NDUFS4: variants seen among roughly 807,000 people sequenced by gnomAD.
The protein encoded by NDUFS4 is NADH:ubiquinone oxidoreductase subunit S4.
A neutral mutation model predicts 24.3 loss-of-function variants in NDUFS4; 28 were observed. The observed-to-expected ratio is 1.15, with a 90% CI of 0.85 to 1.58. The LOEUF (loss-of-function observed/expected upper bound fraction) is 1.58. Among genes scored for constraint, NDUFS4 ranks in the 40% most tolerant of loss-of-function variants. The probability of loss-of-function intolerance (pLI) is 0.00; values close to 1 mark genes in which losing one functional copy is unlikely to be tolerated. For missense variants in NDUFS4, 223 were observed against 207.9 expected, an observed-to-expected ratio of 1.07 and a Z score of -0.45; for synonymous variants, 93 against 69.7, an observed-to-expected ratio of 1.34 and a Z score of -1.67.
chr5:53,627,303 G>A (rs972109589), intron 2 of NDUFS4, among the ~76,000 whole-genome samples: 1 of 152,170 alleles, frequency 6.6e-6, no homozygotes, highest in African/African-American at 2.4e-5. Flanking sequence ...ATAGTTAAAA[G>A]TCAGGTAGCA....
intron 2 of NDUFS4, among the ~76,000 whole-genome samples, chr5:53,625,686 G>T (rs1208892461): frequency 6.6e-6 from 1 of 151,930 alleles, no homozygotes; most frequent in Non-Finnish European, 1.5e-5. Flanking sequence ...TTCAGCTCTA[G>T]AATTTCTATT....
chr5:53,593,045 G>A (rs1175913963), intron 1 of NDUFS4, among the ~76,000 whole-genome samples: 1 of 151,998 alleles, frequency 6.6e-6, no homozygotes, highest in Non-Finnish European at 1.5e-5. Flanking sequence ...TGATGTTTGG[G>A]TAATGCTGGT....
chr5:53,603,928 A>AT (rs1750413983), intron 2 of NDUFS4, among the ~76,000 whole-genome samples: 1 of 152,170 alleles, frequency 6.6e-6, no homozygotes, highest in Admixed American at 6.5e-5. Flanking sequence ...AACATTTATT[A>AT]TCACTATATG....
chr5:53,603,965 TAC>T (rs1403486193), intron 2 of NDUFS4, among the ~76,000 whole-genome samples: 1 of 152,104 alleles, frequency 6.6e-6, no homozygotes, highest in Non-Finnish European at 1.5e-5. Context: ...TACAAACACA[TAC>T]ACACACATTT....
At chr5:53,586,783 A>G (rs1749771921) in intron 1 of NDUFS4, among the ~76,000 whole-genome samples, 1 of 151,646 alleles carries the variant, frequency 6.6e-6, no homozygotes, top group African/African-American at 2.4e-5. Flanking sequence ...TTGGCCTCCT[A>G]AAGTGCTGGA....
intron 2 of NDUFS4, 42 bp downstream of exon 2, chr5:53,603,572 G>C: frequency 6.6e-7 from 1 of 1,512,830 alleles, no homozygotes; most frequent in South Asian, 1.1e-5. Flanking sequence ...TCTGCCTTCA[G>C]GGTTATTTTT....
chr5:53,596,196 C>T (rs970817532), intron 1 of NDUFS4, among the ~76,000 whole-genome samples: 5 of 151,702 alleles, frequency 3.3e-5, no homozygotes, highest in Non-Finnish European at 7.4e-5. Flanking sequence ...TTTGGGAGGC[C>T]GAGGCAGGAG....
At chr5:53,681,673 C>G (rs892395766) in intron 4 of NDUFS4, among the ~76,000 whole-genome samples, 8 of 152,070 alleles carry the variant, frequency 5.3e-5, no homozygotes, top group African/African-American at 1.9e-4. Context: ...TATTTTCTCT[C>G]CTGGATTCTG....
chr5:53,649,552 C>T (rs1427824307), intron 3 of NDUFS4, among the ~76,000 whole-genome samples: 1 of 152,180 alleles, frequency 6.6e-6, no homozygotes, highest in East Asian at 1.9e-4. Flanking sequence ...TTTTTTATTG[C>T]TGCGTAGTAT....
At chr5:53,574,474 T>C (rs1311344086) in intron 1 of NDUFS4, among the ~76,000 whole-genome samples, 10 of 152,214 alleles carry the variant, frequency 6.6e-5, no homozygotes, top group Non-Finnish European at 1.5e-4. Context: ...TAATACTTTG[T>C]TGAAGATTTT....
chr5:53,579,442 A>T (rs974984150), intron 1 of NDUFS4, among the ~76,000 whole-genome samples: 1 of 152,292 alleles, frequency 6.6e-6, no homozygotes, highest in Admixed American at 6.5e-5. Flanking sequence ...ACAGCCACCC[A>T]CCAAATATGT....
At chr5:53,624,013 G>C (rs191224250) in intron 2 of NDUFS4, among the ~76,000 whole-genome samples, 1 of 152,060 alleles carries the variant, frequency 6.6e-6, no homozygotes, top group Non-Finnish European at 1.5e-5. Flanking sequence ...CACCACGCCC[G>C]GCCCTTTGAT....
chr5:53,683,179 A>C lies in NDUFS4; in HGVS notation c.486A>C (p.Ala162=). Residue 162 remains alanine, a synonymous_variant, in exon 5 of 5, where the codon GCA becomes GCC. Coordinates refer to ENST00000296684, the MANE Select transcript of NDUFS4 (RefSeq NM_002495.4). ...AACCCAAGTCCAAGTCTTATGGTGCAAACTTTTCTTGGAACAAAAGAACAA... is the reference window on the plus strand; with the variant it reads ...AACCCAAGTCCAAGTCTTATGGTGCCAACTTTTCTTGGAACAAAAGAACAA... The part of the protein sequence containing the change: ...VPKPKSKSYG[A]NFSWNKRTRV... 6.2e-7 allele frequency: 1 copy of C among 1,612,544 alleles called. No homozygotes were observed. Among genetic ancestry groups the C allele is most frequent in the Non-Finnish European group, 8.5e-7 (1 of 1,178,870 alleles).
chr5:53,677,536 G>T (rs1412440096), intron 4 of NDUFS4, among the ~76,000 whole-genome samples: 4 of 151,804 alleles, frequency 2.6e-5, no homozygotes, highest in Non-Finnish European at 5.9e-5. Flanking sequence ...CCCATATTAT[G>T]TACCTAATTG....
At chr5:53,602,991 T>G (rs1206717592) in intron 1 of NDUFS4, among the ~76,000 whole-genome samples, 1 of 152,218 alleles carries the variant, frequency 6.6e-6, no homozygotes, top group Non-Finnish European at 1.5e-5. Context: ...TACAAATCAT[T>G]CCTATGTAAA....
intron 3 of NDUFS4, among the ~76,000 whole-genome samples, chr5:53,647,942 T>G (rs142998239): frequency 2.0e-5 from 3 of 152,284 alleles, no homozygotes; most frequent in African/African-American, 7.2e-5. Context: ...GTTTAATTAA[T>G]TTATTAAAAT....
In NDUFS4 at chr5:53,631,562, T is replaced by G. The variant is rs369503743; in HGVS notation, c.178-14671T>G. Among the ~76,000 whole-genome samples, 13 of 152,324 alleles carry G rather than the reference T, an allele frequency of 8.5e-5. No individual in the cohort carries two copies. The South Asian group carries it at 2.7e-3, about 32-fold the overall frequency. ...AAGTCCCTGACTGGGGCTGCTTGCC[T>G]TTTGTTCGGTGATGCCCTGCCCATA... is the stretch of plus-strand genomic sequence containing the variant. On this transcript the variant is annotated intron_variant, in intron 2 of 4. Coordinates refer to ENST00000296684, the MANE Select transcript of NDUFS4 (RefSeq NM_002495.4).
At chr5:53,566,739 G>C (rs1408635461) in intron 1 of NDUFS4, among the ~76,000 whole-genome samples, 1 of 151,792 alleles carries the variant, frequency 6.6e-6, no homozygotes, top group Non-Finnish European at 1.5e-5. Flanking sequence ...CTAATACAAT[G>C]TAAATTCTCT....
intron 1 of NDUFS4, among the ~76,000 whole-genome samples, chr5:53,596,889 T>C (rs1241402719): frequency 6.6e-6 from 1 of 152,340 alleles, no homozygotes. Flanking sequence ...TTATTTCTGG[T>C]CCTTTGAAAT....
Sources: allele counts gnomAD v4.1 joint callset (sites outside exome capture counted in the v4.1 genomes callset), GRCh38; gene constraint gnomAD v4.1.1; transcripts MANE v1.5; gene names NCBI Gene and HGNC (gene_info 2026-07-23, HGNC 2026-07-21).